The following MTMR14 variants were observed in gnomAD, a reference collection of about 807,000 sequenced individuals.
MTMR14 encodes phosphatidylinositol-3,5-bisphosphate 3-phosphatase MTMR14.
Under a neutral mutation model 86.3 loss-of-function variants are expected in MTMR14, and 48 were observed. The observed-to-expected ratio is 0.56, with a 90% CI of 0.44 to 0.71. The LOEUF (loss-of-function observed/expected upper bound fraction) is 0.71, where lower values mean the gene tolerates loss of function less well. Among genes scored for constraint, MTMR14 ranks in the 30% least tolerant of loss-of-function variants. The pLI is 0.00. For missense variants in MTMR14, 780 were observed against 834.6 expected, an observed-to-expected ratio of 0.93 and a Z score of 0.81; for synonymous variants, 366 against 326.1, an observed-to-expected ratio of 1.12 and a Z score of -1.32.
At chr3:9,680,124 G>A (rs1007253289) in intron 9 of MTMR14, among the ~76,000 whole-genome samples, 12 of 152,208 alleles carry the variant, frequency 7.9e-5, no homozygotes, top group African/African-American at 2.2e-4. Context: ...CCCTTCAGGC[G>A]GCCCCTCAGA....
chr3:9,699,121 G>A (rs1012553813), intron 18 of MTMR14, among the ~76,000 whole-genome samples: 4 of 149,682 alleles, frequency 2.7e-5, no homozygotes, highest in Non-Finnish European at 4.4e-5. Flanking sequence ...GCCGTGAGTC[G>A]AGATCATGCC....
intron 3 of MTMR14, among the ~76,000 whole-genome samples, chr3:9,664,550 T>C (rs909707959): frequency 1.3e-5 from 2 of 152,108 alleles, no homozygotes; most frequent in African/African-American, 4.8e-5. Context: ...ATGTATGCAA[T>C]GGAGTACCAT....
chr3:9,697,900 C>T (rs766649031), intron 18 of MTMR14, 34 bp downstream of exon 18: 1 of 1,613,292 alleles, frequency 6.2e-7, no homozygotes, highest in East Asian at 2.2e-5. Flanking sequence ...AGGATGCTCC[C>T]CTGCCCATGG....
chr3:9,683,817 C>T (rs369495291), intron 10 of MTMR14: 16 of 156,984 alleles, frequency 1.0e-4, no homozygotes, highest in African/African-American at 3.6e-4. Context: ...GCCAGGTGAA[C>T]ATCATAAAGA....
At chr3:9,682,243 C>T (rs866557245) in intron 9 of MTMR14, among the ~76,000 whole-genome samples, 3 of 152,192 alleles carry the variant, frequency 2.0e-5, no homozygotes, top group Non-Finnish European at 4.4e-5. Context: ...TGGGTCAGAA[C>T]TCTCCAGGGG....
intron 1 of MTMR14, among the ~76,000 whole-genome samples, chr3:9,652,812 A>C (rs994235980): frequency 3.9e-5 from 6 of 152,126 alleles, no homozygotes; most frequent in African/African-American, 1.4e-4. Flanking sequence ...CAGCATGGTG[A>C]AACCCCATCT....
At chr3:9,687,978 T>G in intron 14 of MTMR14, 87 bp downstream of exon 14, 1 of 1,122,270 alleles carries the variant, frequency 8.9e-7, no homozygotes, top group Non-Finnish European at 1.3e-6. Context: ...ACCACCTCAT[T>G]CCCGCCCTGC....
intron 4 of MTMR14, 59 bp downstream of exon 4, chr3:9,668,853 A>G (rs1041346629): frequency 5.7e-6 from 9 of 1,576,314 alleles, no homozygotes; most frequent in Non-Finnish European, 7.9e-6. Context: ...GAGAATAGCT[A>G]CCCGGGCCGG....
At chr3:9,651,978 C>T (rs901625413) in intron 1 of MTMR14, among the ~76,000 whole-genome samples, 4 of 152,126 alleles carry the variant, frequency 2.6e-5, no homozygotes, top group African/African-American at 9.7e-5. Flanking sequence ...AGTACAGGCG[C>T]CCGCCACCAT....
chr3:9,702,174 C>T lies in MTMR14; in HGVS notation c.*201C>T. 4.6e-6 allele frequency: 3 copies of T among 656,492 alleles called. No individual in the cohort carries two copies. The highest frequency in any genetic ancestry group is 8.1e-6 in the Non-Finnish European group (3 of 371,520). 40.7% of individuals were successfully genotyped at this position (656,492 alleles called of 1,614,324 possible). On this transcript the variant is annotated 3_prime_UTR_variant, in exon 19 of 19. Transcript: ENST00000296003. ...CCCCAGCCTCTTGACTGGTGACCAC[C>T]ACCCCTTCTTGTCACTGTCTCCCAC...
At chr3:9,682,178 G>A (rs2075790061) in intron 9 of MTMR14, among the ~76,000 whole-genome samples, 1 of 152,186 alleles carries the variant, frequency 6.6e-6, no homozygotes, top group South Asian at 2.1e-4. Flanking sequence ...TGCAGCTACT[G>A]ATAATGACTT....
Position 9,677,118 on chromosome 3 carries a change from A to T in MTMR14, c.752-199A>T, listed in dbSNP as rs561660104. 2.0e-5 allele frequency among the ~76,000 whole-genome samples: 3 copies of T among 152,322 alleles called. No homozygotes were observed. Among genetic ancestry groups the T allele is most frequent in the African/African-American group, 7.2e-5 (3 of 41,572 alleles). On this transcript the variant is annotated intron_variant, in intron 7 of 18. Transcript: ENST00000296003. The surrounding 1 kb of genome is among the most constrained non-coding windows in gnomAD (Gnocchi z 4.2). ...TCGTGGAAAAGGCATGCAGCCAGGA[A>T]ACCAGAGGGGCTCTAGAGGCTCGCC... is the stretch of plus-strand genomic sequence containing the variant.
At chr3:9,668,305 T>C (rs1368796739) in intron 3 of MTMR14, among the ~76,000 whole-genome samples, 1 of 152,206 alleles carries the variant, frequency 6.6e-6, no homozygotes, top group Non-Finnish European at 1.5e-5. Context: ...ACCTTACACA[T>C]CACTTAACCT....
chr3:9,675,910 A>G (rs536394960), intron 7 of MTMR14, among the ~76,000 whole-genome samples: 1 of 152,280 alleles, frequency 6.6e-6, no homozygotes, highest in East Asian at 1.9e-4. Context: ...TCTTTCTCCC[A>G]GTGAGGCTCC....
At chr3:9,687,978 T>A (rs1445128449) in intron 14 of MTMR14, 87 bp downstream of exon 14, 1 of 1,122,150 alleles carries the variant, frequency 8.9e-7, no homozygotes, top group Non-Finnish European at 1.3e-6. Context: ...ACCACCTCAT[T>A]CCCGCCCTGC....
At chr3:9,676,369 C>G (rs2075575101) in intron 7 of MTMR14, among the ~76,000 whole-genome samples, 1 of 152,254 alleles carries the variant, frequency 6.6e-6, no homozygotes, top group Admixed American at 6.5e-5. Context: ...CAGGCCACAG[C>G]CCGGGGGGCA....
Position 9,685,245 on chromosome 3 carries a change from G to A in MTMR14, c.1162G>A (p.Glu388Lys), listed in dbSNP as rs780280229. 2 of 1,614,126 alleles carry A rather than the reference G, an allele frequency of 1.2e-6. No individual in the cohort carries two copies. The highest frequency in any genetic ancestry group is 1.7e-4 in the Middle Eastern group (1 of 6,022). Reference protein sequence around the residue: ...MLVDRLSKGEEIFFFCFNFLK... With the variant: ...MLVDRLSKGEKIFFFCFNFLK... ...GGTAGATCGGCTCAGCAAAGGGGAG[G>A]AGGTGAGTATACCACCTACGACTTG... Residue 388 changes from glutamate to lysine, a missense_variant and splice_region_variant, in exon 13 of 19, where the codon GAG becomes AAG. Transcript: ENST00000296003.
At chr3:9,680,494 A>G (rs1408626399) in intron 9 of MTMR14, among the ~76,000 whole-genome samples, 1 of 152,224 alleles carries the variant, frequency 6.6e-6, no homozygotes, top group African/African-American at 2.4e-5. Flanking sequence ...GAACTTGTAC[A>G]TGGCCTACCC....
chr3:9,667,686 C>G (rs1031047031), intron 3 of MTMR14, among the ~76,000 whole-genome samples: 2 of 152,132 alleles, frequency 1.3e-5, no homozygotes, highest in Non-Finnish European at 2.9e-5. Flanking sequence ...ATTGCTGTCC[C>G]CACGTCCCCA....
Sources: gnomAD v4.1 joint callset for allele counts (sites outside exome capture counted in the v4.1 genomes callset) on GRCh38, gnomAD v4.1.1 for gene constraint, Gnocchi (gnomAD v3.1) non-coding constraint, MANE v1.5 for transcripts, NCBI Gene and HGNC (gene_info 2026-07-23, HGNC 2026-07-21) for gene names.